The following STK39 variants were observed in gnomAD, a reference collection of about 807,000 sequenced individuals.
STK39 encodes serine/threonine kinase 39.
In STK39, 20 loss-of-function variants were observed where a neutral mutation model predicts 77.8. The ratio of observed to expected loss-of-function variants is 0.26; its 90% CI spans 0.18 to 0.37. STK39 has a LOEUF of 0.37. Among genes scored for constraint, STK39 ranks in the 10% least tolerant of loss-of-function variants. The probability of loss-of-function intolerance (pLI) is 1.00; values close to 1 mark genes in which losing one functional copy is unlikely to be tolerated. For synonymous variants in STK39, 246 were observed against 234.1 expected, an observed-to-expected ratio of 1.05 and a Z score of -0.47; for missense variants, 479 against 656.5, an observed-to-expected ratio of 0.73 and a Z score of 2.95.
intron 4 of STK39, among the ~76,000 whole-genome samples, chr2:168,162,286 CAAAAAAAAA>C (rs5836174): frequency 2.3e-5 from 2 of 85,692 alleles, no homozygotes; most frequent in Non-Finnish European, 2.4e-5. Context: ...AACTTGGTCT[CAAAAAAAAA>C]AAAAAAAAAA....
intron 16 of STK39, among the ~76,000 whole-genome samples, chr2:168,000,566 T>A (rs943698692): frequency 9.9e-5 from 15 of 152,140 alleles, no homozygotes. Context: ...CTCAATACCA[T>A]GAACAAATAC....
At chr2:167,963,422 A>C (rs1471525805) in intron 17 of STK39, among the ~76,000 whole-genome samples, 1 of 152,092 alleles carries the variant, frequency 6.6e-6, no homozygotes, top group Non-Finnish European at 1.5e-5. Flanking sequence ...ACAAATTAGG[A>C]AAATGTTCTT....
At chr2:168,240,730 T>C (rs1347645773) in intron 1 of STK39, among the ~76,000 whole-genome samples, 1 of 152,186 alleles carries the variant, frequency 6.6e-6, no homozygotes, top group Non-Finnish European at 1.5e-5. Flanking sequence ...ATTAAAAAGG[T>C]AGTCCAAACA....
intron 5 of STK39, 65 bp downstream of exon 5, chr2:168,161,722 T>C (rs1242118144): frequency 8.7e-7 from 1 of 1,144,034 alleles, no homozygotes; most frequent in Non-Finnish European, 1.3e-6. Context: ...GGAATGATTC[T>C]ACATTCCTTG....
chr2:168,171,286 C>G (rs1688816690), intron 2 of STK39, among the ~76,000 whole-genome samples: 1 of 152,064 alleles, frequency 6.6e-6, no homozygotes, highest in Non-Finnish European at 1.5e-5. Context: ...GCAAGAAAGA[C>G]ATATCAAAGA....
intron 17 of STK39, among the ~76,000 whole-genome samples, chr2:167,955,988 G>A (rs1374473228): frequency 1.3e-5 from 2 of 152,156 alleles, no homozygotes; most frequent in Admixed American, 6.5e-5. Context: ...AGATCTAACA[G>A]GTCACCCAGG....
At chr2:167,956,541 C>T (rs12993439) in intron 17 of STK39, among the ~76,000 whole-genome samples, 8,412 of 145,974 alleles carry the variant, frequency 0.058, 337 homozygotes, top group Non-Finnish European at 0.083. Flanking sequence ...TCCAGCCTGG[C>T]GACAGAGCGA....
chr2:168,027,494 A>C (rs962489425), intron 14 of STK39, among the ~76,000 whole-genome samples: 4 of 152,154 alleles, frequency 2.6e-5, no homozygotes, highest in African/African-American at 9.7e-5. Context: ...CACAGCCCCA[A>C]ACCAATGTCA....
chr2:168,242,072 T>C (rs1421810676), intron 1 of STK39, among the ~76,000 whole-genome samples: 1 of 152,108 alleles, frequency 6.6e-6, no homozygotes, highest in African/African-American at 2.4e-5. Flanking sequence ...TAGTTAAAAA[T>C]CAAATGCATA....
intron 5 of STK39, among the ~76,000 whole-genome samples, chr2:168,145,594 A>G (rs1517328): frequency 0.38 from 58,391 of 152,060 alleles, 12,221 homozygotes; most frequent in East Asian, 0.68. Context: ...TTAAAAAAAT[A>G]GAAAAGCGAT....
intron 10 of STK39, among the ~76,000 whole-genome samples, chr2:168,115,331 A>T (rs1687231168): frequency 6.6e-6 from 1 of 152,256 alleles, no homozygotes; most frequent in Non-Finnish European, 1.5e-5. Flanking sequence ...AATGTTCTAC[A>T]GATGATGGAC....
intron 16 of STK39, among the ~76,000 whole-genome samples, chr2:167,966,012 G>A (rs1032831305): frequency 6.6e-6 from 1 of 152,120 alleles, no homozygotes; most frequent in African/African-American, 2.4e-5. Flanking sequence ...AACCATAATT[G>A]CAAGCATCAT....
At chr2:168,215,119 G>C (rs990201329) in intron 1 of STK39, among the ~76,000 whole-genome samples, 1 of 152,166 alleles carries the variant, frequency 6.6e-6, no homozygotes, top group Non-Finnish European at 1.5e-5. Flanking sequence ...AAAATGGCTT[G>C]CAACAGTGTG....
intron 10 of STK39, among the ~76,000 whole-genome samples, chr2:168,102,961 T>C (rs1223353462): frequency 1.3e-5 from 2 of 149,912 alleles, no homozygotes; most frequent in African/African-American, 4.9e-5. Flanking sequence ...AAAAAATCTC[T>C]TCTCTGGGTG....
intron 1 of STK39, among the ~76,000 whole-genome samples, chr2:168,193,794 G>A (rs1689400517): frequency 1.3e-5 from 2 of 152,226 alleles, no homozygotes; most frequent in Middle Eastern, 3.2e-3. Context: ...TGGGACAGGG[G>A]TGAGTTCTAC....
At chr2:168,194,059 A>G (rs1020844077) in intron 1 of STK39, among the ~76,000 whole-genome samples, 1 of 152,210 alleles carries the variant, frequency 6.6e-6, no homozygotes, top group Non-Finnish European at 1.5e-5. Flanking sequence ...AAGCATCCAG[A>G]AGGAGCAGAT....
chr2:168,214,605 T>C (rs1189048793), intron 1 of STK39, among the ~76,000 whole-genome samples: 2 of 152,196 alleles, frequency 1.3e-5, no homozygotes, highest in Non-Finnish European at 2.9e-5. Context: ...ATTGTTAATC[T>C]TAAATGGATA....
intron 4 of STK39, 49 bp from the exon 5 acceptor site, chr2:168,161,891 G>C: frequency 1.4e-6 from 2 of 1,392,386 alleles, no homozygotes; most frequent in Non-Finnish European, 2.0e-6. Context: ...AGACTTTATA[G>C]TGTATTGATT....
At chr2:168,234,928 G>C (rs1690558387) in intron 1 of STK39, among the ~76,000 whole-genome samples, 1 of 150,826 alleles carries the variant, frequency 6.6e-6, no homozygotes, top group Non-Finnish European at 1.5e-5. Context: ...CAAGGCAGGA[G>C]AATCACTTGA....
Sources: allele counts gnomAD v4.1 joint callset (sites outside exome capture counted in the v4.1 genomes callset), GRCh38; gene constraint gnomAD v4.1.1; transcripts MANE v1.5; gene names NCBI Gene and HGNC (gene_info 2026-07-23, HGNC 2026-07-21).